The following IPO11 variants were observed in gnomAD, a reference collection of about 807,000 sequenced individuals.
IPO11 encodes importin-11.
Under a neutral mutation model 143.2 loss-of-function variants are expected in IPO11, and 66 were observed. The ratio of observed to expected loss-of-function variants is 0.46; its 90% CI spans 0.38 to 0.57. The LOEUF (loss-of-function observed/expected upper bound fraction) is 0.57. Among genes scored for constraint, IPO11 ranks in the 20% least tolerant of loss-of-function variants. IPO11 has a pLI of 0.00. For missense variants in IPO11, 1,026 were observed against 1,141.0 expected (o/e 0.90, Z 1.45); for synonymous variants, 385 against 377.8 (o/e 1.02, Z -0.22).
chr5:62,455,574 G>C (rs1266090004), intron 5 of IPO11, among the ~76,000 whole-genome samples: 1 of 152,144 alleles, frequency 6.6e-6, no homozygotes, highest in Non-Finnish European at 1.5e-5. Flanking sequence ...ATAGCAAAGT[G>C]TAGTGCACAG....
chr5:62,439,364 G>A (rs563591208), intron 2 of IPO11, among the ~76,000 whole-genome samples: 1 of 133,124 alleles, frequency 7.5e-6, no homozygotes, highest in East Asian at 2.3e-4. Context: ...TAGGCTCACT[G>A]CAAGCTCCGC....
chr5:62,586,783 ATATATATATATATATATATT>A (rs1744807800), intron 27 of IPO11, among the ~76,000 whole-genome samples: 1 of 136,136 alleles, frequency 7.3e-6, no homozygotes, highest in Non-Finnish European at 1.6e-5. Flanking sequence ...ATATATATAT[ATATATATATATATATATATT>A]CATGATTACC....
chr5:62,462,507 T>C (rs1054458212), intron 5 of IPO11, among the ~76,000 whole-genome samples: 1 of 152,042 alleles, frequency 6.6e-6, no homozygotes, highest in African/African-American at 2.4e-5. Context: ...AGAACAGTTT[T>C]GCCCCTTTGC....
intron 22 of IPO11, among the ~76,000 whole-genome samples, chr5:62,536,144 C>T (rs943022834): frequency 1.3e-4 from 20 of 152,194 alleles, no homozygotes; most frequent in East Asian, 7.7e-4. Context: ...GAAGTAATAT[C>T]GCATATTTAG....
chr5:62,533,516 A>T (rs1370453071), intron 22 of IPO11, among the ~76,000 whole-genome samples: 2 of 152,160 alleles, frequency 1.3e-5, no homozygotes, highest in Non-Finnish European at 2.9e-5. Context: ...CTGGCCGTAC[A>T]TTCTTTCATG....
At chr5:62,566,473 C>A (rs1307800869) in intron 27 of IPO11, among the ~76,000 whole-genome samples, 3 of 151,972 alleles carry the variant, frequency 2.0e-5, no homozygotes, top group African/African-American at 7.3e-5. Flanking sequence ...TGGCTCATGC[C>A]TGTAATCTCA....
At chr5:62,439,458 T>A (rs1744377907) in intron 2 of IPO11, among the ~76,000 whole-genome samples, 1 of 151,892 alleles carries the variant, frequency 6.6e-6, no homozygotes, top group African/African-American at 2.4e-5. Context: ...GGCTAATTTT[T>A]TTGTATTTTT....
At chr5:62,545,519 A>C (rs984877009) in intron 24 of IPO11, among the ~76,000 whole-genome samples, 3 of 152,128 alleles carry the variant, frequency 2.0e-5, no homozygotes, top group Admixed American at 6.6e-5. Context: ...TAGGCAATAC[A>C]ATTCAGGACA....
chr5:62,609,866 G>C (rs1381087057), intron 29 of IPO11, among the ~76,000 whole-genome samples: 1 of 152,228 alleles, frequency 6.6e-6, no homozygotes, highest in African/African-American at 2.4e-5. Flanking sequence ...GGTTCTAACT[G>C]TTGTGTGTCC....
At chr5:62,516,709 TG>T (rs565862909) in intron 20 of IPO11, among the ~76,000 whole-genome samples, 158 of 152,338 alleles carry the variant, frequency 1.0e-3, no homozygotes, top group African/African-American at 3.6e-3. Flanking sequence ...TTTTTTTTAC[TG>T]TGGTAAAATA....
chr5:62,490,088 A>T, intron 14 of IPO11, 27 bp from the exon 15 acceptor site: 1 of 1,429,976 alleles, frequency 7.0e-7, no homozygotes, highest in Non-Finnish European at 9.5e-7. Flanking sequence ...GAAACCTTTA[A>T]TTTTTTTTCT....
At position 62,537,305 on chromosome 5, in the gene IPO11, TA is replaced by T. The variant is rs760465509; in HGVS notation, c.2250+19del. On this transcript the variant is annotated intron_variant, in intron 24 of 29. Transcript: ENST00000325324. ...GGTGCTCAAGGTATTGTGATCATTT[TA>T]AATGAATATATTTATGAATTTTTCA... The T allele has an allele frequency of 1.4e-6, 2 of 1,404,962 alleles. No individual in the cohort carries two copies. Among genetic ancestry groups the T allele is most frequent in the Non-Finnish European group, 2.0e-6 (2 of 999,676 alleles). The allele number at this position is 1,404,962 out of a possible 1,614,324, so 87.0% of individuals were successfully genotyped here.
At chr5:62,626,619 C>T (rs1168616394) in intron 29 of IPO11, among the ~76,000 whole-genome samples, 1 of 150,378 alleles carries the variant, frequency 6.6e-6, no homozygotes, top group Non-Finnish European at 1.5e-5. Context: ...CATGAAATTA[C>T]ACTCCTTTTG....
chr5:62,525,322 G>GA (rs1742331676), intron 20 of IPO11, among the ~76,000 whole-genome samples: 1 of 148,930 alleles, frequency 6.7e-6, no homozygotes, highest in South Asian at 2.1e-4. Context: ...GAATTTGTTT[G>GA]AAAATTTAAA....
At chr5:62,448,897 T>TA (rs1213716318) in intron 3 of IPO11, among the ~76,000 whole-genome samples, 1 of 152,192 alleles carries the variant, frequency 6.6e-6, no homozygotes, top group South Asian at 2.1e-4. Flanking sequence ...CTTGTAGTAA[T>TA]ACGTTAATTC....
chr5:62,491,663 TAA>T (rs1160984456), intron 15 of IPO11, among the ~76,000 whole-genome samples: 1 of 151,104 alleles, frequency 6.6e-6, no homozygotes, highest in Admixed American at 6.6e-5. Flanking sequence ...AAAATATTAA[TAA>T]GTTTTTTTTT....
At chr5:62,449,274 T>C (rs1744824228) in intron 3 of IPO11, among the ~76,000 whole-genome samples, 1 of 152,228 alleles carries the variant, frequency 6.6e-6, no homozygotes, top group Non-Finnish European at 1.5e-5. Flanking sequence ...AGTGTTCTCC[T>C]TTCCTGTCCA....
chr5:62,557,568 G>A (rs758787278), intron 26 of IPO11, among the ~76,000 whole-genome samples: 1 of 152,170 alleles, frequency 6.6e-6, no homozygotes, highest in Non-Finnish European at 1.5e-5. Flanking sequence ...CAGGAAATCA[G>A]TAATAGAAAT....
intron 19 of IPO11, among the ~76,000 whole-genome samples, chr5:62,507,499 C>A (rs571149692): frequency 6.6e-6 from 1 of 152,228 alleles, no homozygotes; most frequent in South Asian, 2.1e-4. Context: ...TGGGCAAAGT[C>A]TTTAACCTTG....
Sources: gnomAD v4.1 joint callset for allele counts (sites outside exome capture counted in the v4.1 genomes callset) on GRCh38, gnomAD v4.1.1 for gene constraint, MANE v1.5 for transcripts, NCBI Gene and HGNC (gene_info 2026-07-23, HGNC 2026-07-21) for gene names.